RFX3: variants seen among roughly 807,000 people sequenced by gnomAD.
RFX3 encodes transcription factor RFX3.
In RFX3, 14 loss-of-function variants were observed where a neutral mutation model predicts 98.6. That is an observed-to-expected ratio of 0.14 (90% CI 0.09 to 0.22). The LOEUF is 0.22. Ranked by LOEUF, RFX3 falls within the 10% of genes least tolerant of loss-of-function variation. The pLI is 1.00. For synonymous variants in RFX3, 383 were observed against 328.4 expected (o/e 1.17, Z -1.80); for missense variants, 639 against 926.9 (o/e 0.69, Z 4.03).
At chr9:3,291,654 T>C (rs1172360389) in intron 6 of RFX3, among the ~76,000 whole-genome samples, 1 of 152,162 alleles carries the variant, frequency 6.6e-6, no homozygotes, top group Non-Finnish European at 1.5e-5. Flanking sequence ...TTTTCTGTTG[T>C]TAATCTTTCG....
chr9:3,422,676 T>G (rs780264305), intron 1 of RFX3, among the ~76,000 whole-genome samples: 1 of 152,218 alleles, frequency 6.6e-6, no homozygotes, highest in Non-Finnish European at 1.5e-5. Flanking sequence ...CCAATTTAGC[T>G]ACTAGCTTGA....
intron 2 of RFX3, among the ~76,000 whole-genome samples, chr9:3,347,631 C>G (rs1436322966): frequency 6.6e-6 from 1 of 151,962 alleles, no homozygotes; most frequent in Non-Finnish European, 1.5e-5. Context: ...CAAGACCAGT[C>G]TCCTGACCAA....
At chr9:3,417,781 C>T (rs554705836) in intron 1 of RFX3, among the ~76,000 whole-genome samples, 10 of 152,150 alleles carry the variant, frequency 6.6e-5, no homozygotes, top group East Asian at 3.9e-4. Flanking sequence ...AATACTAGAA[C>T]AGGAAGAATT....
intron 14 of RFX3, among the ~76,000 whole-genome samples, chr9:3,249,320 G>C (rs527777926): frequency 6.6e-6 from 1 of 152,150 alleles, no homozygotes; most frequent in South Asian, 2.1e-4. Flanking sequence ...GATCATCATT[G>C]TCCATCTGAA....
chr9:3,360,174 A>C (rs528728735), intron 2 of RFX3, among the ~76,000 whole-genome samples: 5 of 152,154 alleles, frequency 3.3e-5, no homozygotes, highest in Admixed American at 1.3e-4. Flanking sequence ...TAAACTCTCT[A>C]TGAAATTAAT....
intron 16 of RFX3, among the ~76,000 whole-genome samples, 184 bp downstream of exon 16, chr9:3,228,663 T>C (rs1818080823): frequency 6.6e-6 from 1 of 152,232 alleles, no homozygotes; most frequent in South Asian, 2.1e-4. Flanking sequence ...ATACCTCATA[T>C]GTAGAAGGCA....
chr9:3,415,807 T>C (rs967400575), intron 1 of RFX3, among the ~76,000 whole-genome samples: 2 of 152,190 alleles, frequency 1.3e-5, no homozygotes, highest in African/African-American at 2.4e-5. Flanking sequence ...CCCAAGATTA[T>C]ATTCCCTCTC....
intron 1 of RFX3, among the ~76,000 whole-genome samples, chr9:3,424,079 G>A (rs1447333439): frequency 6.6e-6 from 1 of 150,610 alleles, no homozygotes; most frequent in African/African-American, 2.4e-5. Context: ...CCCGGGAGGT[G>A]GAGCTTGCAG....
chr9:3,411,263 T>G (rs1411339566), intron 1 of RFX3, among the ~76,000 whole-genome samples: 1 of 152,158 alleles, frequency 6.6e-6, no homozygotes, highest in Non-Finnish European at 1.5e-5. Context: ...AAGACAGCAA[T>G]GGAATTTTTT....
intron 1 of RFX3, among the ~76,000 whole-genome samples, chr9:3,485,833 A>G (rs775969377): frequency 1.3e-5 from 2 of 152,168 alleles, no homozygotes; most frequent in East Asian, 3.9e-4. Context: ...CTTTAAGAAT[A>G]ATAGATATTG....
chr9:3,452,245 T>C, intron 1 of RFX3: 1 of 182,418 alleles, frequency 5.5e-6, no homozygotes, highest in South Asian at 7.7e-5. Context: ...TGGTACAAGA[T>C]CTGGCTCTTC....
At chr9:3,486,306 CTT>C (rs2133432735) in intron 1 of RFX3, among the ~76,000 whole-genome samples, 1 of 152,138 alleles carries the variant, frequency 6.6e-6, no homozygotes, top group East Asian at 1.9e-4. Context: ...AAAAATCACC[CTT>C]TCTAAAAGCT....
chr9:3,328,945 C>T (rs1420165984), intron 4 of RFX3, among the ~76,000 whole-genome samples: 2 of 152,078 alleles, frequency 1.3e-5, no homozygotes, highest in East Asian at 1.9e-4. Context: ...ATATGTAATA[C>T]CTAGAAAATC....
chr9:3,245,341 G>C (rs1024215032), intron 15 of RFX3, among the ~76,000 whole-genome samples: 1 of 152,184 alleles, frequency 6.6e-6, no homozygotes, highest in African/African-American at 2.4e-5. Context: ...CTTAGTGAAT[G>C]AGAACAGAGA....
Position 3,277,390 on chromosome 9 carries a change from G to C in RFX3, c.923C>G (p.Ser308Cys), listed in dbSNP as rs909316033. 4 of 1,612,696 alleles carry C rather than the reference G, an allele frequency of 2.5e-6. No individual in the cohort carries two copies. The African/African-American group carries it at 5.3e-5, about 22-fold the overall frequency. Reference sequence around the variant, plus strand: ...TTGGGCAATTACAGTTTGCTCAACAGATGTGCCTGTCTGTTGACCACTTCC... The same window carrying C: ...TTGGGCAATTACAGTTTGCTCAACACATGTGCCTGTCTGTTGACCACTTCC... ...FTGSGQQTGT[S>C]VEQTVIAQSQ... Residue 308 changes from serine (S) to cysteine (C), a missense_variant, in exon 8 of 17, where the codon TCT becomes TGT. Coordinates refer to ENST00000617270, the MANE Select transcript of RFX3 (RefSeq NM_001282116.2).
intron 3 of RFX3, among the ~76,000 whole-genome samples, chr9:3,339,768 GAA>G (rs1833647031): frequency 1.3e-5 from 2 of 152,068 alleles, no homozygotes; most frequent in Non-Finnish European, 2.9e-5. Context: ...CAAACAAATG[GAA>G]GAACATTCCA....
At chr9:3,250,684 C>A (rs76472746) in intron 14 of RFX3, among the ~76,000 whole-genome samples, 3,769 of 151,824 alleles carry the variant, frequency 0.025, 162 homozygotes, top group African/African-American at 0.087. Context: ...AAGTAAATAT[C>A]ATTAAAAAGA....
chr9:3,305,430 C>A (rs781134684), intron 4 of RFX3, among the ~76,000 whole-genome samples: 23 of 151,796 alleles, frequency 1.5e-4, no homozygotes, highest in Non-Finnish European at 2.7e-4. Flanking sequence ...CAAAGTGTGC[C>A]CAATAAATGC....
intron 1 of RFX3, among the ~76,000 whole-genome samples, chr9:3,450,871 T>C (rs553358231): frequency 4.6e-5 from 7 of 152,348 alleles, no homozygotes; most frequent in Middle Eastern, 3.4e-3. Flanking sequence ...CTTAATTTAG[T>C]ACTACCTGGG....
Sources: gnomAD v4.1 joint callset for allele counts (sites outside exome capture counted in the v4.1 genomes callset) on GRCh38, gnomAD v4.1.1 for gene constraint, MANE v1.5 for transcripts, NCBI Gene and HGNC (gene_info 2026-07-23, HGNC 2026-07-21) for gene names.